The following MGMT variants were observed in gnomAD, a reference collection of about 807,000 sequenced individuals.
The protein encoded by MGMT is methylated-DNA--protein-cysteine methyltransferase.
In MGMT, 14 loss-of-function variants were observed where a neutral mutation model predicts 15.9. That is an observed-to-expected ratio of 0.88 (90% confidence interval 0.58 to 1.37). The LOEUF is 1.37. MGMT is among the 40% of genes most tolerant of loss of function. The pLI, the probability that MGMT is intolerant of heterozygous loss-of-function variation, is 0.00. For missense variants in MGMT, 282 were observed against 268.1 expected (o/e 1.05, Z -0.36); for synonymous variants, 130 against 118.2 (o/e 1.10, Z -0.65).
At chr10:129,476,259 C>G (rs754062862) in intron 1 of MGMT, among the ~76,000 whole-genome samples, 1 of 152,202 alleles carries the variant, frequency 6.6e-6, no homozygotes, top group Non-Finnish European at 1.5e-5. Flanking sequence ...ACATGGCCCC[C>G]GCTGTCCTTG....
chr10:129,638,020 G>A (rs574533399), intron 2 of MGMT, among the ~76,000 whole-genome samples: 13 of 152,370 alleles, frequency 8.5e-5, no homozygotes, highest in African/African-American at 3.1e-4. Flanking sequence ...GCAGTGCTCA[G>A]TCTGGTCTCA....
intron 1 of MGMT, among the ~76,000 whole-genome samples, chr10:129,511,886 G>A (rs1217992895): frequency 6.6e-6 from 1 of 152,208 alleles, no homozygotes; most frequent in Admixed American, 6.5e-5. Context: ...CCCAGCACTG[G>A]CCGCTGTGGA....
At chr10:129,508,779 G>A (rs917572618) in intron 1 of MGMT, among the ~76,000 whole-genome samples, 1 of 151,804 alleles carries the variant, frequency 6.6e-6, no homozygotes, top group Non-Finnish European at 1.5e-5. Context: ...GCTCCTGATC[G>A]CAGGTGATCC....
intron 3 of MGMT, among the ~76,000 whole-genome samples, chr10:129,719,715 C>T (rs1403942981): frequency 6.6e-6 from 1 of 152,162 alleles, no homozygotes. Flanking sequence ...TTAAAGACCC[C>T]ATCTGCTGAT....
intron 2 of MGMT, among the ~76,000 whole-genome samples, chr10:129,681,754 T>G (rs1349480798): frequency 3.9e-5 from 6 of 152,166 alleles, no homozygotes; most frequent in Non-Finnish European, 2.9e-5. Flanking sequence ...GTAGGACTTG[T>G]GTAGGTGCAG....
chr10:129,579,823 A>G (rs904343110), intron 2 of MGMT, among the ~76,000 whole-genome samples: 2 of 152,170 alleles, frequency 1.3e-5, no homozygotes, highest in Admixed American at 6.5e-5. Context: ...ATTTTGGGAA[A>G]GTTGACCTAT....
chr10:129,751,006 C>G (rs1444781753), intron 3 of MGMT, among the ~76,000 whole-genome samples: 1 of 152,018 alleles, frequency 6.6e-6, no homozygotes, highest in African/African-American at 2.4e-5. Context: ...AGATACTGAA[C>G]TGTACTCTTT....
chr10:129,624,047 C>G (rs543202089), intron 2 of MGMT, among the ~76,000 whole-genome samples: 2 of 152,374 alleles, frequency 1.3e-5, no homozygotes, highest in Non-Finnish European at 2.9e-5. Context: ...TGTCTGAGTT[C>G]GATGGGGCCT....
intron 2 of MGMT, among the ~76,000 whole-genome samples, chr10:129,567,888 A>G (rs1436355068): frequency 6.6e-6 from 1 of 152,198 alleles, no homozygotes; most frequent in Non-Finnish European, 1.5e-5. Flanking sequence ...TGCCGCAACA[A>G]ACATCTGTCA....
intron 2 of MGMT, among the ~76,000 whole-genome samples, chr10:129,705,093 G>A (rs887970559): frequency 2.6e-5 from 4 of 152,218 alleles, no homozygotes; most frequent in African/African-American, 4.8e-5. Flanking sequence ...CTGCCGCCCC[G>A]TGGGCTTGGT....
intron 1 of MGMT, among the ~76,000 whole-genome samples, chr10:129,488,851 A>G (rs1006095299): frequency 3.9e-5 from 6 of 152,128 alleles, no homozygotes; most frequent in Non-Finnish European, 7.3e-5. Context: ...CTTCACTGCA[A>G]ATATATGACA....
rs569050757 is a variant in MGMT at position 129,615,131 on chromosome 10, A to G, written c.125+78754A>G. On this transcript the variant is annotated intron_variant, in intron 2 of 4. Coordinates refer to ENST00000651593, the MANE Select transcript of MGMT (RefSeq NM_002412.5). ...CAGCATAAGCTACATTTTCCATCAT[A>G]TGGAGTGAGATGCCTATATTGGGCA... Among the ~76,000 whole-genome samples, 422 of 152,298 alleles carry G rather than the reference A, an allele frequency of 2.8e-3. 3 individuals are homozygous for G. The highest frequency in any genetic ancestry group is 9.5e-3 in the African/African-American group (395 of 41,566).
At chr10:129,559,214 A>G (rs917042701) in intron 2 of MGMT, among the ~76,000 whole-genome samples, 2 of 152,200 alleles carry the variant, frequency 1.3e-5, no homozygotes, top group East Asian at 3.8e-4. Context: ...TATGGAGTCA[A>G]CTTAGGCAAT....
chr10:129,623,712 A>G (rs1481416850), intron 2 of MGMT, among the ~76,000 whole-genome samples: 4 of 152,056 alleles, frequency 2.6e-5, no homozygotes, highest in African/African-American at 9.7e-5. Flanking sequence ...TGAAAGGACA[A>G]GTCTTGCTAT....
intron 1 of MGMT, among the ~76,000 whole-genome samples, chr10:129,515,793 A>C (rs1537687): frequency 6.6e-6 from 1 of 152,174 alleles, no homozygotes; most frequent in South Asian, 2.1e-4. Flanking sequence ...AGCGGGAGTA[A>C]TTACCCATGT....
chr10:129,733,878 G>A (rs531074006), intron 3 of MGMT, among the ~76,000 whole-genome samples: 10,621 of 151,934 alleles, frequency 0.07, 490 homozygotes, highest in South Asian at 0.16. Flanking sequence ...GTAGATATGC[G>A]GCGTTATTTC....
chr10:129,560,840 T>C (rs748639646), intron 2 of MGMT, among the ~76,000 whole-genome samples: 1 of 152,196 alleles, frequency 6.6e-6, no homozygotes, highest in African/African-American at 2.4e-5. Flanking sequence ...CTGTTGCTGC[T>C]ATGGAATTTC....
intron 1 of MGMT, among the ~76,000 whole-genome samples, chr10:129,522,074 ACAGAAC>A (rs1845817165): frequency 3.1e-5 from 2 of 65,406 alleles, no homozygotes; most frequent in African/African-American, 1.6e-4. Context: ...CCACAGAACC[ACAGAAC>A]GTAATGGAGA....
chr10:129,741,299 A>G (rs2133171776), intron 3 of MGMT, among the ~76,000 whole-genome samples: 1 of 152,298 alleles, frequency 6.6e-6, no homozygotes, highest in African/African-American at 2.4e-5. Flanking sequence ...GAAGCCCTGT[A>G]TTTTTGAAAA....
Sources: allele counts gnomAD v4.1 joint callset (sites outside exome capture counted in the v4.1 genomes callset), GRCh38; gene constraint gnomAD v4.1.1; transcripts MANE v1.5; gene names NCBI Gene and HGNC (gene_info 2026-07-23, HGNC 2026-07-21).